CNTNAP2: variants seen among roughly 807,000 people sequenced by gnomAD.
The protein encoded by CNTNAP2 is contactin associated protein 2.
A neutral mutation model predicts 155.2 loss-of-function variants in CNTNAP2; 98 were observed. The ratio of observed to expected loss-of-function variants is 0.63; its 90% CI spans 0.54 to 0.75. The LOEUF is 0.75. Ranked by LOEUF, CNTNAP2 falls within the 30% of genes least tolerant of loss-of-function variation. CNTNAP2 has a pLI of 0.00. For missense variants in CNTNAP2, 1,727 were observed against 1,688.1 expected (o/e 1.02, Z -0.40); for synonymous variants, 651 against 631.2 (o/e 1.03, Z -0.47).
At chr7:146,930,498 A>G (rs1796725066) in intron 3 of CNTNAP2, among the ~76,000 whole-genome samples, 1 of 152,228 alleles carries the variant, frequency 6.6e-6, no homozygotes, top group African/African-American at 2.4e-5. Context: ...CAAATTGTAA[A>G]GACCATCGAT....
chr7:146,633,851 A>AAAAAAAAAAAAAAC (rs1799553021), intron 1 of CNTNAP2, among the ~76,000 whole-genome samples: 1 of 132,874 alleles, frequency 7.5e-6, no homozygotes, highest in African/African-American at 2.7e-5. Flanking sequence ...AAAAAAAAAA[A>AAAAAAAAAAAAAAC]AAAAACAGAA....
chr7:146,881,755 A>ATTTTTT (rs11416504), intron 3 of CNTNAP2, among the ~76,000 whole-genome samples: 38 of 123,682 alleles, frequency 3.1e-4, no homozygotes, highest in African/African-American at 1.2e-3. Flanking sequence ...GATCCCTATA[A>ATTTTTT]TTTTTTTTTT....
At chr7:147,783,521 G>C (rs1797688637) in intron 13 of CNTNAP2, among the ~76,000 whole-genome samples, 1 of 152,098 alleles carries the variant, frequency 6.6e-6, no homozygotes, top group Non-Finnish European at 1.5e-5. Flanking sequence ...CCACAAACTG[G>C]GTGCCTTAAA....
At chr7:148,203,408 A>T (rs1795397188) in intron 18 of CNTNAP2, among the ~76,000 whole-genome samples, 1 of 152,220 alleles carries the variant, frequency 6.6e-6, no homozygotes, top group Non-Finnish European at 1.5e-5. Flanking sequence ...GTTTAGTATG[A>T]CAAACTCTTT....
chr7:146,955,657 CTTTT>C (rs1291103236), intron 3 of CNTNAP2, among the ~76,000 whole-genome samples: 1 of 151,868 alleles, frequency 6.6e-6, no homozygotes, highest in Non-Finnish European at 1.5e-5. Flanking sequence ...AGAAATAATT[CTTTT>C]AAGAGCATGT....
chr7:147,505,639 A>AT (rs1798893899), intron 11 of CNTNAP2, among the ~76,000 whole-genome samples: 4 of 152,166 alleles, frequency 2.6e-5, no homozygotes, highest in Admixed American at 2.6e-4. Flanking sequence ...TGTTTTCTTA[A>AT]TTTTGCTTTC....
At chr7:146,735,560 A>T (rs936290490) in intron 1 of CNTNAP2, among the ~76,000 whole-genome samples, 1 of 152,152 alleles carries the variant, frequency 6.6e-6, no homozygotes, top group Non-Finnish European at 1.5e-5. Flanking sequence ...GTCTCAAAAA[A>T]ACACCAACAA....
intron 8 of CNTNAP2, among the ~76,000 whole-genome samples, chr7:147,253,381 CTGTT>C (rs1432679540): frequency 2.3e-5 from 3 of 131,964 alleles, no homozygotes; most frequent in Non-Finnish European, 4.8e-5. Context: ...AACAGGTTCT[CTGTT>C]TTTTTTTTTT....
At chr7:147,778,244 TAGAC>T (rs1205241524) in intron 13 of CNTNAP2, among the ~76,000 whole-genome samples, 11 of 152,206 alleles carry the variant, frequency 7.2e-5, no homozygotes, top group African/African-American at 4.8e-5. Context: ...TTTCTGAACA[TAGAC>T]AGAGACACTG....
At chr7:146,624,341 C>A (rs554310240) in intron 1 of CNTNAP2, among the ~76,000 whole-genome samples, 3 of 152,014 alleles carry the variant, frequency 2.0e-5, no homozygotes, top group Admixed American at 6.5e-5. Context: ...AGAGAAAATC[C>A]ATTTTATTCT....
chr7:146,618,617 T>C (rs1421269349), intron 1 of CNTNAP2, among the ~76,000 whole-genome samples: 2 of 152,190 alleles, frequency 1.3e-5, no homozygotes, highest in African/African-American at 4.8e-5. Flanking sequence ...CTTATAAGCA[T>C]TGCATATTTG....
At chr7:147,111,536 AT>A (rs1001130842) in intron 5 of CNTNAP2, among the ~76,000 whole-genome samples, 2 of 152,060 alleles carry the variant, frequency 1.3e-5, no homozygotes, top group Admixed American at 6.6e-5. Context: ...TTTTGAATTG[AT>A]TTTTTTGTAC....
chr7:146,867,814 A>C lies in CNTNAP2; in HGVS notation c.402+27910A>C, dbSNP rs568493870. Among the ~76,000 whole-genome samples, 28 of 151,322 alleles carry C rather than the reference A, an allele frequency of 1.9e-4. No homozygotes were observed. The East Asian group carries it at 4.5e-3, about 25-fold the overall frequency. ...TTTCATATGCTCGTTGGCTGCATGA[A>C]TGTCTTCATTTGAGGAGTGTCTGTT... On this transcript the variant is annotated intron_variant, in intron 3 of 23. Coordinates refer to ENST00000361727, the MANE Select transcript of CNTNAP2 (RefSeq NM_014141.6).
intron 13 of CNTNAP2, among the ~76,000 whole-genome samples, chr7:147,870,398 C>G (rs980113805): frequency 1.2e-4 from 18 of 152,140 alleles, no homozygotes; most frequent in African/African-American, 4.1e-4. Flanking sequence ...ATGGGCCTGC[C>G]TGAGTATCTC....
At chr7:148,262,858 G>A (rs1448556517) in intron 20 of CNTNAP2, among the ~76,000 whole-genome samples, 1 of 152,176 alleles carries the variant, frequency 6.6e-6, no homozygotes, top group East Asian at 1.9e-4. Context: ...AGGTCCTGGA[G>A]AGCCCTGATC....
At chr7:146,405,732 C>T (rs1285557840) in intron 1 of CNTNAP2, among the ~76,000 whole-genome samples, 1 of 152,120 alleles carries the variant, frequency 6.6e-6, no homozygotes, top group African/African-American at 2.4e-5. Context: ...CAGGTTTCTA[C>T]AAGGATTTTA....
intron 1 of CNTNAP2, among the ~76,000 whole-genome samples, chr7:146,451,849 C>CGT (rs1554435296): frequency 0.043 from 4,803 of 111,720 alleles, 410 homozygotes; most frequent in African/African-American, 0.25. Flanking sequence ...TATATATACA[C>CGT]GTATTCTATA....
chr7:146,907,756 C>A (rs1461864953), intron 3 of CNTNAP2, among the ~76,000 whole-genome samples: 2 of 150,022 alleles, frequency 1.3e-5, no homozygotes, highest in East Asian at 2.0e-4. Flanking sequence ...TGAGCAAAAT[C>A]ACCAGCTAAC....
intron 3 of CNTNAP2, among the ~76,000 whole-genome samples, chr7:146,985,206 C>T (rs1252857461): frequency 2.0e-5 from 3 of 151,456 alleles, no homozygotes; most frequent in African/African-American, 7.3e-5. Context: ...GGGACATTGA[C>T]GTGAAACTCC....
Sources: gnomAD v4.1 joint callset for allele counts (sites outside exome capture counted in the v4.1 genomes callset) on GRCh38, gnomAD v4.1.1 for gene constraint, MANE v1.5 for transcripts, NCBI Gene and HGNC (gene_info 2026-07-23, HGNC 2026-07-21) for gene names.